Variants in CFAP54 observed in about 807,000 individuals in gnomAD.
CFAP54 encodes cilia- and flagella-associated protein 54.
CFAP54 carries 290 observed loss-of-function variants against 370.4 expected under a neutral mutation model. That is an observed-to-expected ratio of 0.78 (90% CI 0.71 to 0.86). CFAP54 has a LOEUF of 0.86. Ranked by LOEUF, CFAP54 falls within the 40% of genes least tolerant of loss-of-function variation. The pLI is 0.00. For missense variants in CFAP54, 3,399 were observed against 3,528.7 expected (o/e 0.96, Z 0.93); for synonymous variants, 1,206 against 1,236.5 (o/e 0.98, Z 0.52).
chr12:96,800,963 C>T (rs938966392), intron 63 of CFAP54, among the ~76,000 whole-genome samples: 2 of 152,174 alleles, frequency 1.3e-5, no homozygotes, highest in African/African-American at 4.8e-5. Context: ...ATGGTCCTGG[C>T]TATAGGCACT....
At chr12:96,829,792 A>G (rs1447706792) in intron 66 of CFAP54, among the ~76,000 whole-genome samples, 1 of 152,048 alleles carries the variant, frequency 6.6e-6, no homozygotes, top group East Asian at 1.9e-4. Flanking sequence ...ATGTTGTGCA[A>G]CCGTCACCGC....
chr12:96,647,089 A>G (rs1222133922), intron 33 of CFAP54: 2 of 152,054 alleles, frequency 1.3e-5, no homozygotes, highest in South Asian at 4.2e-4. Context: ...GTACCCTAAA[A>G]CTTAAAGTAT....
At chr12:96,648,121 G>T in intron 34 of CFAP54, 104 bp downstream of exon 34, 1 of 779,186 alleles carries the variant, frequency 1.3e-6, no homozygotes, top group East Asian at 3.4e-5. Context: ...TATACACCCA[G>T]TTTTCCAAAG....
intron 4 of CFAP54, among the ~76,000 whole-genome samples, chr12:96,507,529 A>G (rs1231652377): frequency 1.3e-5 from 1 of 77,340 alleles, no homozygotes; most frequent in Non-Finnish European, 2.6e-5. Flanking sequence ...ACACACACAC[A>G]CACATACACA....
rs552082587 is a variant in CFAP54, at chr12:96,856,789, C to T, written c.9172-4030C>T. On this transcript the variant is annotated intron_variant, in intron 66 of 67. Transcript: ENST00000524981. ...TTCTGAGCCCTCCAAACTGTCCCAA[C>T]CTCTGCCTGTTACTCACTTCCAAAG... 2.0e-4 allele frequency among the ~76,000 whole-genome samples: 30 copies of T among 151,234 alleles called. No homozygotes were observed. In the South Asian group the frequency reaches 6.0e-3, roughly 30 times the overall value.
chr12:96,846,005 T>C (rs1959333076), intron 66 of CFAP54, among the ~76,000 whole-genome samples: 1 of 152,192 alleles, frequency 6.6e-6, no homozygotes, highest in Non-Finnish European at 1.5e-5. Context: ...TAACAGTTAA[T>C]TTATGAACGA....
intron 39 of CFAP54, among the ~76,000 whole-genome samples, chr12:96,676,873 T>A (rs1364262004): frequency 6.6e-6 from 1 of 152,118 alleles, no homozygotes; most frequent in Non-Finnish European, 1.5e-5. Flanking sequence ...AGCCCGCTTC[T>A]ATCATGGGAG....
In CFAP54 at chr12:96,649,965, G is replaced by A. The variant is rs1480843141; in HGVS notation, c.4765G>A (p.Asp1589Asn). 9 of 1,612,790 alleles carry A rather than the reference G, an allele frequency of 5.6e-6. No homozygotes were observed. Among genetic ancestry groups the A allele is most frequent in the Non-Finnish European group, 7.6e-6 (9 of 1,179,086 alleles). Reference sequence around the variant, plus strand: ...TATGTCCAAGACACAAACAGTTTATGACTCAGACTCTCAATCAGGTTCTAG... The same window carrying A: ...TATGTCCAAGACACAAACAGTTTATAACTCAGACTCTCAATCAGGTTCTAG... ...ENMSKTQTVYDSDSQSGSSAK... is the reference protein window; with the variant it reads ...ENMSKTQTVYNSDSQSGSSAK... The change falls in exon 35 of 68, where the codon GAC becomes AAC. Residue 1589 changes from aspartate to asparagine, a missense_variant. Asp to Asn is a conservative substitution (Grantham distance 23). This residue lies in a region of CFAP54 where 2,796 missense variants were observed against 2,869.7 expected (regional missense o/e 0.97). Coordinates refer to ENST00000524981, the MANE Select transcript of CFAP54 (RefSeq NM_001306084.2).
chr12:96,813,368 C>G (rs1399047452), intron 64 of CFAP54, among the ~76,000 whole-genome samples: 2 of 151,912 alleles, frequency 1.3e-5, no homozygotes, highest in East Asian at 3.9e-4. Flanking sequence ...TTATGAGGCT[C>G]AAGATTAGTA....
intron 62 of CFAP54, 46 bp from the exon 63 acceptor site, chr12:96,792,283 A>G (rs773418406): frequency 4.9e-6 from 7 of 1,416,818 alleles, no homozygotes; most frequent in Middle Eastern, 1.8e-4. Context: ...TATATGTAAC[A>G]AATTTATTAC....
At chr12:96,693,056 A>G (rs895026248) in intron 44 of CFAP54, among the ~76,000 whole-genome samples, 9 of 152,206 alleles carry the variant, frequency 5.9e-5, no homozygotes, top group African/African-American at 1.9e-4. Context: ...ACATATATCC[A>G]TGGGACTTCA....
intron 39 of CFAP54, among the ~76,000 whole-genome samples, chr12:96,675,702 T>C: frequency 6.6e-6 from 1 of 152,016 alleles, no homozygotes; most frequent in East Asian, 1.9e-4. Flanking sequence ...TATCCAACAA[T>C]GATAGACTGG....
intron 66 of CFAP54, among the ~76,000 whole-genome samples, chr12:96,839,439 A>G (rs1035947824): frequency 6.6e-6 from 1 of 152,214 alleles, no homozygotes; most frequent in African/African-American, 2.4e-5. Flanking sequence ...AACAACACGA[A>G]GTGTAGAAGG....
In CFAP54 at chr12:96,676,662, CAGCCTCCTG is replaced by C. The variant is rs1957212753; in HGVS notation, c.5564-2935_5564-2927del. Among the ~76,000 whole-genome samples the C allele has an allele frequency of 2.6e-5, 4 of 152,142 alleles. No homozygotes were observed. The South Asian group carries it at 8.3e-4, about 32-fold the overall frequency. ...TGGGGTTCAAGCGATTCTCCTGCCT[CAGCCTCCTG>C]AGTAGCTGGGACTACAGGCGCCTGC... On this transcript the variant is annotated intron_variant, in intron 39 of 67. Coordinates refer to ENST00000524981, the MANE Select transcript of CFAP54 (RefSeq NM_001306084.2).
chr12:96,837,131 A>C (rs1221601537), intron 66 of CFAP54, among the ~76,000 whole-genome samples: 1 of 152,162 alleles, frequency 6.6e-6, no homozygotes, highest in Non-Finnish European at 1.5e-5. Context: ...CAAAAGTATA[A>C]TTTTTGATAT....
At chr12:96,643,809 A>G (rs1956761111) in intron 32 of CFAP54, among the ~76,000 whole-genome samples, 2 of 152,076 alleles carry the variant, frequency 1.3e-5, no homozygotes, top group Non-Finnish European at 1.5e-5. Flanking sequence ...TAGAGAAATG[A>G]TTTTCTTGTT....
At chr12:96,669,444 G>A (rs79339510) in intron 39 of CFAP54, among the ~76,000 whole-genome samples, 2 of 152,342 alleles carry the variant, frequency 1.3e-5, no homozygotes, top group East Asian at 1.9e-4. Context: ...TAGGAGAGTG[G>A]CCACTGCTTT....
At chr12:96,491,230 TTGA>T (rs1268498826) in intron 1 of CFAP54, among the ~76,000 whole-genome samples, 1 of 151,958 alleles carries the variant, frequency 6.6e-6, no homozygotes, top group Non-Finnish European at 1.5e-5. Flanking sequence ...ATGGGAGCAA[TTGA>T]TGAGGATTTT....
At chr12:96,752,785 C>CA (rs2136655836) in intron 55 of CFAP54, among the ~76,000 whole-genome samples, 1 of 152,282 alleles carries the variant, frequency 6.6e-6, no homozygotes, top group South Asian at 2.1e-4. Context: ...AAACAAAACA[C>CA]TAGGCTTCAT....
Sources: allele counts gnomAD v4.1 joint callset (sites outside exome capture counted in the v4.1 genomes callset), GRCh38; gene constraint gnomAD v4.1.1; regional missense constraint gnomAD v4.1.1; transcripts MANE v1.5; gene names NCBI Gene and HGNC (gene_info 2026-07-23, HGNC 2026-07-21).